SLC25A18: variants seen among roughly 807,000 people sequenced by gnomAD.
The protein encoded by SLC25A18 is solute carrier family 25 member 18.
Under a neutral mutation model 31.1 loss-of-function variants are expected in SLC25A18, and 24 were observed. The ratio of observed to expected loss-of-function variants is 0.77; its 90% CI spans 0.56 to 1.08. The LOEUF (loss-of-function observed/expected upper bound fraction) is 1.08, where lower values mean the gene tolerates loss of function less well. Among genes scored for constraint, SLC25A18 ranks in the 50% least tolerant of loss-of-function variants. SLC25A18 has a pLI of 0.00. For synonymous variants in SLC25A18, 173 were observed against 161.9 expected (o/e 1.07, Z -0.52); for missense variants, 371 against 418.5 (o/e 0.89, Z 0.99).
At chr22:17,567,285 CTTAA>C (rs2056962262) in intron 1 of SLC25A18, among the ~76,000 whole-genome samples, 1 of 57,054 alleles carries the variant, frequency 1.8e-5, no homozygotes, top group Non-Finnish European at 3.4e-5. Context: ...ACACAGACAA[CTTAA>C]GTAACTTGTT....
chr22:17,582,669 G>C lies in SLC25A18; in HGVS notation c.290+16G>C, dbSNP rs1382690797. 3 of 1,588,978 alleles carry C rather than the reference G, an allele frequency of 1.9e-6. No individual in the cohort carries two copies. Among genetic ancestry groups the C allele is most frequent in the Non-Finnish European group, 2.6e-6 (3 of 1,166,166 alleles). On this transcript the variant is annotated intron_variant, in intron 6 of 10. Transcript: ENST00000327451. ...TGGAAGATGGGTATGGCCAGGTGGG[G>C]TGGGGTTGGATCCTTCACTGTGTGT...
At chr22:17,575,368 C>T (rs998541435) in intron 2 of SLC25A18, among the ~76,000 whole-genome samples, 1 of 152,138 alleles carries the variant, frequency 6.6e-6, no homozygotes, top group East Asian at 1.9e-4. Context: ...TAGTGGGAGA[C>T]CCTTTTTGTG....
At chr22:17,578,875 G>A (rs1054852785) in intron 2 of SLC25A18, among the ~76,000 whole-genome samples, 1 of 152,090 alleles carries the variant, frequency 6.6e-6, no homozygotes, top group African/African-American at 2.4e-5. Flanking sequence ...ACTCCAGCCT[G>A]GGCAACAAGA....
intron 2 of SLC25A18, among the ~76,000 whole-genome samples, chr22:17,571,974 GC>G (rs2057099815): frequency 6.6e-6 from 1 of 151,698 alleles, no homozygotes; most frequent in African/African-American, 2.4e-5. Context: ...CCGAGATCAT[GC>G]CCCTGCACTC....
At chr22:17,572,137 A>G (rs1259962486) in intron 2 of SLC25A18, among the ~76,000 whole-genome samples, 1 of 152,080 alleles carries the variant, frequency 6.6e-6, no homozygotes, top group Non-Finnish European at 1.5e-5. Flanking sequence ...CAGCGAGCCG[A>G]GATCACGCCA....
Position 17,581,110 on chromosome 22 carries a change from G to T in SLC25A18, c.94G>T (p.Ala32Ser). The T allele has an allele frequency of 6.3e-7, 1 of 1,583,602 alleles. No homozygotes were observed. The highest frequency in any genetic ancestry group is 8.6e-7 in the Non-Finnish European group (1 of 1,164,160). ...GACCTGCGTGTTCCCCATCGACTTG[G>T]CCAAGACTCGCCTGCAGAACCAGCA... ...GVTCVFPIDL[A>S]KTRLQNQHGK... Residue 32 changes from alanine to serine, a missense_variant, in exon 4 of 11, where the codon GCC becomes TCC. By Grantham distance (99) the Ala-to-Ser change is moderately conservative. Transcript: ENST00000327451.
intron 1 of SLC25A18, among the ~76,000 whole-genome samples, chr22:17,564,021 T>C (rs569470678): frequency 3.0e-4 from 45 of 152,344 alleles, no homozygotes; most frequent in Admixed American, 2.6e-3. Flanking sequence ...GGGACTGGCT[T>C]CATCGCTTGT....
chr22:17,580,053 C>T, intron 3 of SLC25A18, 89 bp downstream of exon 3: 1 of 1,329,278 alleles, frequency 7.5e-7, no homozygotes, highest in South Asian at 1.3e-5. Context: ...TTCTGAAGAA[C>T]AAGCTGAGTC....
At chr22:17,582,374 T>TA (rs1191624224) in intron 5 of SLC25A18, 189 bp from the exon 6 acceptor site, 652 of 460,116 alleles carry the variant, frequency 1.4e-3, no homozygotes, top group South Asian at 2.2e-3. Flanking sequence ...AGACTCCATC[T>TA]AAAAAAAAAG....
rs575942248 is a variant in SLC25A18 at position 17,581,163 on chromosome 22, G to A, written c.143+4G>A. On this transcript the variant is annotated splice_donor_region_variant and intron_variant, in intron 4 of 10. Coordinates refer to ENST00000327451, the MANE Select transcript of SLC25A18 (RefSeq NM_031481.3). Reference sequence around the variant, plus strand: ...GGAAAGCCATGTACAAAGGAATGTAGGTGCTGGCAGGCGAGCGTGGAGGGC... The same window carrying A: ...GGAAAGCCATGTACAAAGGAATGTAAGTGCTGGCAGGCGAGCGTGGAGGGC... 8.2e-6 allele frequency: 13 copies of A among 1,588,202 alleles called. No individual in the cohort carries two copies. In the South Asian group the frequency reaches 1.4e-4, roughly 17 times the overall value.
chr22:17,564,746 A>G (rs2056888933), intron 1 of SLC25A18, among the ~76,000 whole-genome samples: 1 of 151,270 alleles, frequency 6.6e-6, no homozygotes, highest in Non-Finnish European at 1.5e-5. Flanking sequence ...AGTCCCAGCT[A>G]CTCGGGAGGC....
intron 9 of SLC25A18, among the ~76,000 whole-genome samples, 166 bp from the exon 10 acceptor site, chr22:17,589,424 C>A (rs935961053): frequency 1.3e-5 from 2 of 152,224 alleles, no homozygotes; most frequent in Non-Finnish European, 2.9e-5. Context: ...GATCTGCCCA[C>A]CTCAGCCTCC....
intron 5 of SLC25A18, 124 bp from the exon 6 acceptor site, chr22:17,582,439 A>G: frequency 1.6e-6 from 1 of 627,274 alleles, no homozygotes; most frequent in South Asian, 2.2e-5. Flanking sequence ...TAGGCTCAGG[A>G]GCCCCACCTG....
chr22:17,566,421 T>TC (rs529258452), intron 1 of SLC25A18, among the ~76,000 whole-genome samples: 118 of 152,066 alleles, frequency 7.8e-4, no homozygotes, highest in African/African-American at 2.8e-3. Context: ...ATTTTCTTTT[T>TC]TTTTTTTCCA....
Position 17,589,634 on chromosome 22 carries a change from G to A in SLC25A18, c.775G>A (p.Asp259Asn). ...AACCCTCAAGAAAGGCCTGGGCGAG[G>A]ACATGTACAGTGGGATCACCGACTG... ...IQTLKKGLGEDMYSGITDCAR... is the reference protein window; with the variant it reads ...IQTLKKGLGENMYSGITDCAR... Residue 259 changes from aspartate (D) to asparagine (N), a missense_variant, in exon 10 of 11, where the codon GAC (aspartate) becomes AAC (asparagine). Transcript: ENST00000327451. 1 of 1,614,118 alleles carries A rather than the reference G, an allele frequency of 6.2e-7. No homozygotes were observed. Among genetic ancestry groups the A allele is most frequent in the African/African-American group, 1.3e-5 (1 of 75,038 alleles).
chr22:17,579,753 G>A lies in SLC25A18; in HGVS notation c.-192G>A. ...CTCTGACTACTTTGCAGGGGAGGAA[G>A]CCGCAGCCCAAGGAGGTCGTCACTT... On this transcript the variant is annotated 5_prime_UTR_variant, in exon 3 of 11. Transcript: ENST00000327451. The A allele has an allele frequency of 2.2e-6, 3 of 1,391,324 alleles. No homozygotes were observed. Among genetic ancestry groups the A allele is most frequent in the Non-Finnish European group, 2.8e-6 (3 of 1,073,932 alleles). The allele number at this position is 1,391,324 out of a possible 1,614,324, so 86.2% of individuals were successfully genotyped here. A position where few individuals can be genotyped will look rare whatever the true frequency, so the allele number is the denominator to read the frequency against.
chr22:17,575,393 T>A, intron 2 of SLC25A18, among the ~76,000 whole-genome samples: 1 of 152,186 alleles, frequency 6.6e-6, no homozygotes, highest in East Asian at 1.9e-4. Context: ...AGGTCAGGAA[T>A]AAAGTGGATC....
At chr22:17,570,114 G>A (rs2057046970) in intron 2 of SLC25A18, 128 bp downstream of exon 2, 3 of 637,132 alleles carry the variant, frequency 4.7e-6, no homozygotes, top group Non-Finnish European at 5.9e-6. Context: ...TTGTTGGATA[G>A]AGTCAGAAGG....
At position 17,582,787 on chromosome 22, in the gene SLC25A18, G is replaced by A. The variant is rs1039065223; in HGVS notation, c.290+134G>A. On this transcript the variant is annotated intron_variant, in intron 6 of 10. Coordinates refer to ENST00000327451, the MANE Select transcript of SLC25A18 (RefSeq NM_031481.3). ...ATATGTGCACACATGGCTGAGGGCT[G>A]GTGTGTGTTTGGGCTGCTGGAGAGT... is the stretch of plus-strand genomic sequence containing the variant. 23 of 776,264 alleles carry A rather than the reference G, an allele frequency of 3.0e-5. No homozygotes were observed. In the African/African-American group the frequency reaches 3.6e-4, roughly 12 times the overall value. The allele number at this position is 776,264 out of a possible 1,614,324, so 48.1% of individuals were successfully genotyped here.
Sources: gnomAD v4.1 joint callset for allele counts (sites outside exome capture counted in the v4.1 genomes callset) on GRCh38, gnomAD v4.1.1 for gene constraint, MANE v1.5 for transcripts, NCBI Gene and HGNC (gene_info 2026-07-23, HGNC 2026-07-21) for gene names.